Variants in LPAR1 observed in about 807,000 individuals in gnomAD.
LPAR1 encodes LPA receptor 1.
Under a neutral mutation model 23.8 loss-of-function variants are expected in LPAR1, and 5 were observed. The ratio of observed to expected loss-of-function variants is 0.21; its 90% confidence interval spans 0.11 to 0.44. The LOEUF is 0.44. Among genes scored for constraint, LPAR1 ranks in the 20% least tolerant of loss-of-function variants. The probability of loss-of-function intolerance (pLI) is 0.99; values close to 1 mark genes in which losing one functional copy is unlikely to be tolerated. For synonymous variants in LPAR1, 160 were observed against 164.7 expected (o/e 0.97, Z 0.22); for missense variants, 311 against 482.8 (o/e 0.64, Z 3.33).
chr9:110,958,742 A>C (rs993499178), intron 4 of LPAR1, among the ~76,000 whole-genome samples: 6 of 152,140 alleles, frequency 3.9e-5, no homozygotes, highest in African/African-American at 7.2e-5. Context: ...ATGTTTTAAA[A>C]CAATCAATAG....
chr9:111,018,819 T>C (rs2097505190), intron 2 of LPAR1, among the ~76,000 whole-genome samples: 1 of 152,202 alleles, frequency 6.6e-6, no homozygotes, highest in African/African-American at 2.4e-5. Flanking sequence ...ACATAAAAGT[T>C]GTTGAGTACA....
intron 5 of LPAR1, among the ~76,000 whole-genome samples, chr9:110,901,586 G>A (rs191327683): frequency 1.3e-5 from 2 of 152,270 alleles, no homozygotes; most frequent in East Asian, 1.9e-4. Context: ...GATCTCGTGA[G>A]ACTTATTCAC....
At chr9:110,932,083 G>A (rs2094452175) in intron 5 of LPAR1, among the ~76,000 whole-genome samples, 3 of 152,096 alleles carry the variant, frequency 2.0e-5, no homozygotes, top group Non-Finnish European at 4.4e-5. Flanking sequence ...ACGACCTTAT[G>A]GCAAATATCC....
intron 2 of LPAR1, among the ~76,000 whole-genome samples, chr9:111,028,293 G>A (rs1046572625): frequency 2.6e-5 from 4 of 152,050 alleles, no homozygotes; most frequent in East Asian, 1.9e-4. Flanking sequence ...ATGTTGGCCA[G>A]GCTGGTCTTG....
chr9:111,031,340 T>C (rs1360366136), intron 2 of LPAR1, among the ~76,000 whole-genome samples: 1 of 147,034 alleles, frequency 6.8e-6, no homozygotes, highest in African/African-American at 2.5e-5. Flanking sequence ...GAGGATCCCT[T>C]GAGCCCAGGA....
At position 110,941,112 on chromosome 9, in the gene LPAR1, A is replaced by G. The variant is rs76420911; in HGVS notation, c.793+309T>C. Among the ~76,000 whole-genome samples, 1,064 of 152,326 alleles carry G rather than the reference A, an allele frequency of 7.0e-3. 14 individuals carry two copies. The highest frequency in any genetic ancestry group is 0.024 in the African/African-American group (1,011 of 41,572). The stretch of plus-strand genomic sequence containing the variant: ...AAAGTTTCACAATTTAGGCTGTAAG[A>G]AAAATGAATGAGTTTGACTGGTAAT... On this transcript the variant is annotated intron_variant, in intron 5 of 5. Transcript: ENST00000683809. This position sits in a 1 kb window ranked among gnomAD's most constrained non-coding sequence, Gnocchi z 6.1.
intron 5 of LPAR1, among the ~76,000 whole-genome samples, chr9:110,883,724 C>G (rs981656066): frequency 4.6e-5 from 7 of 152,174 alleles, no homozygotes; most frequent in African/African-American, 7.2e-5. Flanking sequence ...AAGAAACACA[C>G]AGTTTATTAC....
chr9:110,976,403 G>A (rs571894729), intron 2 of LPAR1, among the ~76,000 whole-genome samples: 51 of 152,206 alleles, frequency 3.4e-4, no homozygotes, highest in African/African-American at 1.2e-3. Context: ...CTACTCAGGA[G>A]GCTGAGGCAG....
chr9:110,913,795 C>A (rs2092747718), intron 5 of LPAR1, among the ~76,000 whole-genome samples: 1 of 152,056 alleles, frequency 6.6e-6, no homozygotes, highest in South Asian at 2.1e-4. Flanking sequence ...AGTGGGGATC[C>A]ATTTAAATTG....
At chr9:110,920,959 C>T (rs572691125) in intron 5 of LPAR1, among the ~76,000 whole-genome samples, 1 of 148,200 alleles carries the variant, frequency 6.7e-6, no homozygotes, top group Admixed American at 6.7e-5. Flanking sequence ...CCCATCTCAA[C>T]AACAACAACA....
At chr9:110,877,269 C>T (rs928841167) in intron 5 of LPAR1, among the ~76,000 whole-genome samples, 1 of 152,214 alleles carries the variant, frequency 6.6e-6, no homozygotes, top group Non-Finnish European at 1.5e-5. Flanking sequence ...AAAGTACCCC[C>T]ATAAAGCTCT....
In LPAR1 at chr9:110,875,489, G is replaced by A. The variant is rs1199624602; in HGVS notation, c.1027C>T (p.Arg343Cys). The change falls in exon 6 of 6, where the codon CGC becomes TGC. Residue 343 changes from arginine (R) to cysteine (C), a missense_variant. Around this residue, in one of 2 missense-constraint regions of LPAR1, gnomAD observed 250 missense variants for 427.2 expected, o/e 0.59. Coordinates refer to ENST00000683809, the MANE Select transcript of LPAR1 (RefSeq NM_001351411.2). ...GTGTGGTTGAGGGAGGAAGCCGAGC[G>A]GTCTGAGCCTTCTGTGGGGCCGGTG... ...NPTGPTEGSD[R>C]SASSLNHTIL... is the part of the protein sequence containing the mutation. The A allele has an allele frequency of 3.7e-6, 6 of 1,613,956 alleles. No homozygotes were observed. The highest frequency in any genetic ancestry group is 1.7e-5 in the Admixed American group (1 of 59,992).
intron 2 of LPAR1, among the ~76,000 whole-genome samples, chr9:110,974,450 G>A: frequency 6.6e-6 from 1 of 152,128 alleles, no homozygotes; most frequent in South Asian, 2.1e-4. Flanking sequence ...CAGAAGTGCT[G>A]CTTTTCTAAG....
At chr9:110,968,760 A>G (rs960849249) in intron 4 of LPAR1, among the ~76,000 whole-genome samples, 10 of 152,324 alleles carry the variant, frequency 6.6e-5, no homozygotes, top group African/African-American at 2.2e-4. Flanking sequence ...CCCTGCCACA[A>G]GGCTTGCTGA....
chr9:111,014,519 A>G lies in LPAR1; in HGVS notation c.-182+21603T>C, dbSNP rs1433448631. Among the ~76,000 whole-genome samples the G allele has an allele frequency of 7.2e-5, 11 of 151,974 alleles. No homozygotes were observed. The East Asian group carries it at 7.8e-4, about 11-fold the overall frequency. On this transcript the variant is annotated intron_variant, in intron 2 of 5. Coordinates refer to ENST00000683809, the MANE Select transcript of LPAR1 (RefSeq NM_001351411.2). ...CCATTCTTTCGGATCTCTTCTCTAC[A>G]CTTAACACTAGACCCATCCTCTCAA... is the stretch of plus-strand genomic sequence containing the variant.
intron 2 of LPAR1, among the ~76,000 whole-genome samples, chr9:111,029,085 A>G (rs999017235): frequency 1.3e-5 from 2 of 152,212 alleles, no homozygotes; most frequent in Non-Finnish European, 2.9e-5. Context: ...TTAATCTGCT[A>G]AAGAAAAATA....
intron 2 of LPAR1, among the ~76,000 whole-genome samples, chr9:111,013,790 T>G (rs1169700890): frequency 6.6e-6 from 1 of 152,138 alleles, no homozygotes; most frequent in Non-Finnish European, 1.5e-5. Flanking sequence ...TTCCCCAACC[T>G]TCATTCCCTC....
intron 2 of LPAR1, among the ~76,000 whole-genome samples, chr9:111,012,887 G>A (rs1311104774): frequency 2.0e-5 from 3 of 152,132 alleles, no homozygotes; most frequent in African/African-American, 7.2e-5. Flanking sequence ...TCCTGTGACT[G>A]GACAGGACAG....
chr9:110,936,315 T>C (rs1242582577), intron 5 of LPAR1, among the ~76,000 whole-genome samples: 1 of 152,246 alleles, frequency 6.6e-6, no homozygotes. Flanking sequence ...AAATTAAATC[T>C]TTCATCAGAG....
Sources: gnomAD v4.1 joint callset for allele counts (sites outside exome capture counted in the v4.1 genomes callset) on GRCh38, gnomAD v4.1.1 for gene constraint, gnomAD v4.1.1 regional missense constraint, Gnocchi (gnomAD v3.1) non-coding constraint, MANE v1.5 for transcripts, NCBI Gene and HGNC (gene_info 2026-07-23, HGNC 2026-07-21) for gene names.